RUNX1T1: variants seen among roughly 807,000 people sequenced by gnomAD.
RUNX1T1 encodes RUNX1 partner transcriptional co-repressor 1.
Under a neutral mutation model 62.8 loss-of-function variants are expected in RUNX1T1, and 4 were observed. The observed-to-expected ratio is 0.06, with a 90% CI of 0.03 to 0.15. The LOEUF (loss-of-function observed/expected upper bound fraction) is 0.15. Ranked by LOEUF, RUNX1T1 falls within the 10% of genes least tolerant of loss-of-function variation. RUNX1T1 has a pLI of 1.00. For missense variants in RUNX1T1, 508 were observed against 754.3 expected, an observed-to-expected ratio of 0.67 and a Z score of 3.82; for synonymous variants, 291 against 286.0, an observed-to-expected ratio of 1.02 and a Z score of -0.18.
At chr8:92,027,392 G>A (rs1246415568) in intron 1 of RUNX1T1, among the ~76,000 whole-genome samples, 2 of 152,108 alleles carry the variant, frequency 1.3e-5, no homozygotes, top group Non-Finnish European at 2.9e-5. Flanking sequence ...CAGCTCTGTG[G>A]CAGAAGTCCA....
At chr8:91,957,175 C>T, downstream of RUNX1T1, 1 of 214,754 alleles carries the variant, frequency 4.7e-6, no homozygotes, top group Non-Finnish European at 9.4e-6. Context: ...TATATTCTCA[C>T]ATAGCCTGTA....
At chr8:91,992,894 G>T (rs534158633) in intron 5 of RUNX1T1, among the ~76,000 whole-genome samples, 1 of 152,252 alleles carries the variant, frequency 6.6e-6, no homozygotes, top group South Asian at 2.1e-4. Flanking sequence ...AATAAAAGTA[G>T]GAGTAAAGCA....
At chr8:92,034,757 CACACATATACATATATAT>C (rs1245469818) in intron 1 of RUNX1T1, among the ~76,000 whole-genome samples, 12 of 143,318 alleles carry the variant, frequency 8.4e-5, no homozygotes, top group Non-Finnish European at 1.8e-4. Flanking sequence ...CATATATATA[CACACATATACATATATAT>C]ACACATATAT....
At chr8:92,048,443 C>CCAAG (rs372045279) in intron 1 of RUNX1T1, among the ~76,000 whole-genome samples, 1 of 152,016 alleles carries the variant, frequency 6.6e-6, no homozygotes, top group African/African-American at 2.4e-5. Flanking sequence ...CTTTGAGAAC[C>CCAAG]CAAGGCAGGA....
chr8:92,043,214 T>C (rs1416302997), intron 1 of RUNX1T1, among the ~76,000 whole-genome samples: 3 of 152,162 alleles, frequency 2.0e-5, no homozygotes, highest in South Asian at 2.1e-4. Context: ...AAATAAAGTT[T>C]CCACAAAAAG....
chr8:92,078,206 A>T (rs1834720087), intron 1 of RUNX1T1, among the ~76,000 whole-genome samples: 1 of 152,088 alleles, frequency 6.6e-6, no homozygotes, highest in Non-Finnish European at 1.5e-5. Context: ...GTAACTAAAA[A>T]AAAAAAAAGA....
At chr8:92,002,421 A>C (rs1819937867) in intron 5 of RUNX1T1, among the ~76,000 whole-genome samples, 1 of 152,138 alleles carries the variant, frequency 6.6e-6, no homozygotes, top group Non-Finnish European at 1.5e-5. Context: ...AAAGAAAAAA[A>C]ACATAACCAG....
At chr8:91,964,848 C>T (rs934398635) in intron 10 of RUNX1T1, among the ~76,000 whole-genome samples, 7 of 152,138 alleles carry the variant, frequency 4.6e-5, no homozygotes. Flanking sequence ...ATGAAAATGG[C>T]ACAGGCTTCA....
chr8:92,009,868 A>C (rs1353291600), intron 4 of RUNX1T1: 1 of 152,182 alleles, frequency 6.6e-6, no homozygotes, highest in Non-Finnish European at 1.5e-5. Context: ...ATATAATTGT[A>C]ATCTGGGTTT....
intron 6 of RUNX1T1, among the ~76,000 whole-genome samples, chr8:91,990,121 G>A (rs1030659325): frequency 6.6e-6 from 1 of 152,144 alleles, no homozygotes; most frequent in African/African-American, 2.4e-5. Context: ...TAGCAATGTA[G>A]TTGGAAATTG....
At chr8:91,989,311 T>C (rs1433299176) in intron 6 of RUNX1T1, among the ~76,000 whole-genome samples, 2 of 152,214 alleles carry the variant, frequency 1.3e-5, no homozygotes, top group Admixed American at 6.5e-5. Context: ...AACACCATAA[T>C]TTGTTGCTCA....
intron 1 of RUNX1T1, chr8:92,017,596 G>A: frequency 7.2e-7 from 1 of 1,387,712 alleles, no homozygotes; most frequent in Non-Finnish European, 9.3e-7. Flanking sequence ...ATATCCTATT[G>A]TTATTTCTGG....
At chr8:91,961,458 T>C (rs1810430011) in intron 10 of RUNX1T1, among the ~76,000 whole-genome samples, 1 of 152,150 alleles carries the variant, frequency 6.6e-6, no homozygotes, top group African/African-American at 2.4e-5. Context: ...ACTCAAACCC[T>C]AGTAAGTTCA....
intron 5 of RUNX1T1, among the ~76,000 whole-genome samples, chr8:92,002,188 A>C: frequency 6.6e-6 from 1 of 152,274 alleles, no homozygotes; most frequent in Admixed American, 6.5e-5. Context: ...GAAATAACAT[A>C]ATTTTATAAT....
intron 5 of RUNX1T1, among the ~76,000 whole-genome samples, chr8:92,002,835 G>A (rs552513730): frequency 3.9e-5 from 6 of 152,204 alleles, no homozygotes; most frequent in African/African-American, 1.2e-4. Context: ...TCATATAGTA[G>A]ATCTGGATAT....
intron 6 of RUNX1T1, 58 bp downstream of exon 7, chr8:91,991,581 T>C (rs1290958926): frequency 1.3e-6 from 2 of 1,524,392 alleles, no homozygotes; most frequent in South Asian, 1.2e-5. Context: ...TCAGAAATAA[T>C]GGTGCAAGTC....
intron 8 of RUNX1T1, among the ~76,000 whole-genome samples, chr8:91,985,261 G>C (rs1028957411): frequency 1.3e-5 from 2 of 152,128 alleles, no homozygotes; most frequent in African/African-American, 4.8e-5. Context: ...CACGTAATGG[G>C]TGGCAATGTC....
chr8:91,973,746 C>A (rs968503851), intron 9 of RUNX1T1, among the ~76,000 whole-genome samples: 5 of 151,938 alleles, frequency 3.3e-5, no homozygotes, highest in Admixed American at 2.6e-4. Flanking sequence ...ACACTGAACA[C>A]TAGAAATGCC....
At chr8:92,022,266 C>T (rs1465634849) in intron 1 of RUNX1T1, among the ~76,000 whole-genome samples, 1 of 152,062 alleles carries the variant, frequency 6.6e-6, no homozygotes, top group Non-Finnish European at 1.5e-5. Context: ...GACAAACACA[C>T]ACCATCAACA....
Sources: gnomAD v4.1 joint callset for allele counts (sites outside exome capture counted in the v4.1 genomes callset) on GRCh38, gnomAD v4.1.1 for gene constraint, MANE v1.5 for transcripts, NCBI Gene and HGNC (gene_info 2026-07-23, HGNC 2026-07-21) for gene names.